The following DENND11 variants were observed in gnomAD, a reference collection of about 807,000 sequenced individuals.
DENND11 encodes the protein DENN domain-containing protein 11.
DENND11 carries 34 observed loss-of-function variants against 49.2 expected under a neutral mutation model. The ratio of observed to expected loss-of-function variants is 0.69; its 90% CI spans 0.53 to 0.92. The LOEUF (loss-of-function observed/expected upper bound fraction) is 0.92, where lower values mean the gene tolerates loss of function less well. DENND11 is among the 40% of genes least tolerant of loss of function. The pLI, the probability that DENND11 is intolerant of heterozygous loss-of-function variation, is 0.00. For missense variants in DENND11, 475 were observed against 581.6 expected, an observed-to-expected ratio of 0.82 and a Z score of 1.88; for synonymous variants, 238 against 230.3, an observed-to-expected ratio of 1.03 and a Z score of -0.30.
intron 8 of DENND11, 70 bp from the exon 9 acceptor site, chr7:141,662,921 A>C: frequency 1.7e-6 from 2 of 1,145,570 alleles, no homozygotes; most frequent in Non-Finnish European, 2.4e-6. Context: ...TAATCCACAT[A>C]TGGGGAACCA....
Position 141,700,662 on chromosome 7 carries a change from A to G in DENND11, c.268+1224T>C, listed in dbSNP as rs143195157. 1.1e-4 allele frequency among the ~76,000 whole-genome samples: 17 copies of G among 152,102 alleles called. No homozygotes were observed. The East Asian group carries it at 2.5e-3, about 23-fold the overall frequency. ...AGTTTGAAAGCCATGGAATGTGGCA[A>G]AGAAACAAGCAGAAGTCACAAAGGC... On this transcript the variant is annotated intron_variant, in intron 1 of 8. Transcript: ENST00000536163.
rs1797766926 is a variant in DENND11, at chr7:141,660,137, A to G, written c.*2519T>C. Reference sequence around the variant, plus strand: ...AAGACATACTCTGAGGATGCTCAACAGTGGCAAAGGTAACTGAAGAGATAA... The same window carrying G: ...AAGACATACTCTGAGGATGCTCAACGGTGGCAAAGGTAACTGAAGAGATAA... On this transcript the variant is annotated 3_prime_UTR_variant, in exon 9 of 9. Transcript: ENST00000536163. 1 of 152,340 alleles carries G rather than the reference A, an allele frequency of 6.6e-6. No individual in the cohort carries two copies. The highest frequency in any genetic ancestry group is 1.5e-5 in the Non-Finnish European group (1 of 68,044). The allele number at this position is 152,340 out of a possible 1,614,324, so 9.4% of individuals were successfully genotyped here.
intron 3 of DENND11, among the ~76,000 whole-genome samples, chr7:141,680,090 G>A (rs188780079): frequency 1.1e-4 from 16 of 152,244 alleles, no homozygotes; most frequent in South Asian, 2.1e-4. Context: ...TACCCCTCAC[G>A]TGTGAAATGC....
chr7:141,695,495 A>G (rs62486727), intron 1 of DENND11, among the ~76,000 whole-genome samples: 6,617 of 152,334 alleles, frequency 0.043, 208 homozygotes, highest in Non-Finnish European at 0.066. Context: ...ACCAGCTTAC[A>G]TATGGAATTT....
At chr7:141,671,686 A>C (rs1797982663) in intron 4 of DENND11, among the ~76,000 whole-genome samples, 2 of 152,192 alleles carry the variant, frequency 1.3e-5, no homozygotes, top group Non-Finnish European at 2.9e-5. Flanking sequence ...ATACGAGTAC[A>C]TTTAGGTCAG....
chr7:141,657,039 C>T lies in DENND11; in HGVS notation c.*5617G>A, dbSNP rs1366930922. ...CATACTATGAGGTAAAGACCCGAAA[C>T]AAAAATAGATTCAGTCTCTCGTATT... On this transcript the variant is annotated 3_prime_UTR_variant, in exon 9 of 9. Transcript: ENST00000536163. 6.6e-6 allele frequency: 1 copy of T among 152,544 alleles called. No individual in the cohort carries two copies. The highest frequency in any genetic ancestry group is 2.4e-5 in the African/African-American group (1 of 41,390). The allele number at this position is 152,544 out of a possible 1,614,324, so 9.4% of individuals were successfully genotyped here. A position where few individuals can be genotyped will look rare whatever the true frequency, so the allele number is the denominator to read the frequency against.
In DENND11 at chr7:141,678,988, C is replaced by T. The variant is rs537982722; in HGVS notation, c.528-4768G>A. Among the ~76,000 whole-genome samples, 257 of 152,298 alleles carry T rather than the reference C, an allele frequency of 1.7e-3. 1 individual carries two copies. The highest frequency in any genetic ancestry group is 3.2e-3 in the Non-Finnish European group (216 of 68,018). ...ATTAAAAAGACTCTTTAGAGAGATACTGAGGGCAAAAATTGTAGATGAAAT... is the reference window on the plus strand; with the variant it reads ...ATTAAAAAGACTCTTTAGAGAGATATTGAGGGCAAAAATTGTAGATGAAAT... On this transcript the variant is annotated intron_variant, in intron 3 of 8. Coordinates refer to ENST00000536163, the MANE Select transcript of DENND11 (RefSeq NM_001080392.2).
rs574084414 is a variant in DENND11, at chr7:141,686,668, A to G, written c.269-10T>C. 1.9e-6 allele frequency: 3 copies of G among 1,591,150 alleles called. No homozygotes were observed. In the African/African-American group the frequency reaches 4.0e-5, roughly 21 times the overall value. ...CATTCTACCATGTTTCCTGCAGGAA[A>G]AGGAAGATGCAAGTTAAAAGAAACA... On this transcript the variant is annotated splice_polypyrimidine_tract_variant and intron_variant, in intron 1 of 8. Coordinates refer to ENST00000536163, the MANE Select transcript of DENND11 (RefSeq NM_001080392.2).
chr7:141,685,641 A>G lies in DENND11; in HGVS notation c.369-5T>C. Reference sequence around the variant, plus strand: ...AAGGGCCCCTTTCGGAAATAGCTAGAAGAGACCAAATACGTAGTGTGGCTC... The same window carrying G: ...AAGGGCCCCTTTCGGAAATAGCTAGGAGAGACCAAATACGTAGTGTGGCTC... On this transcript the variant is annotated splice_polypyrimidine_tract_variant and splice_region_variant and intron_variant, in intron 2 of 8. Transcript: ENST00000536163. 6.2e-7 allele frequency: 1 copy of G among 1,613,862 alleles called. No individual in the cohort carries two copies. The highest frequency in any genetic ancestry group is 8.5e-7 in the Non-Finnish European group (1 of 1,179,854).
At chr7:141,698,694 C>A (rs1290254711) in intron 1 of DENND11, among the ~76,000 whole-genome samples, 1 of 152,162 alleles carries the variant, frequency 6.6e-6, no homozygotes, top group Non-Finnish European at 1.5e-5. Context: ...TATTTCCACA[C>A]CTTAGAGAAT....
At position 141,673,668 on chromosome 7, in the gene DENND11, G is replaced by A. The variant is rs114600276; in HGVS notation, c.681+399C>T. ...TAAATAGGCATATTCTAGTACCAAA[G>A]CCAAAGTACTTCAGGAACAAATACA... On this transcript the variant is annotated intron_variant, in intron 4 of 8. Transcript: ENST00000536163. Among the ~76,000 whole-genome samples the A allele has an allele frequency of 2.8e-3, 420 of 152,326 alleles. 1 individual carries two copies. The highest frequency in any genetic ancestry group is 9.9e-3 in the African/African-American group (413 of 41,590).
rs1364148219 is a variant in DENND11, at chr7:141,669,251, T to TA, written c.682-2827_682-2826insT. Among the ~76,000 whole-genome samples, 4 of 151,530 alleles carry TA rather than the reference T, an allele frequency of 2.6e-5. No homozygotes were observed. The East Asian group carries it at 7.8e-4, about 29-fold the overall frequency. Reference sequence around the variant, plus strand: ...AAAGCTTACTTCTTTAAAGTTTTTTTTTTTTTTTTTTTGAGAGGGAGTCTT... The same window carrying TA: ...AAAGCTTACTTCTTTAAAGTTTTTTTATTTTTTTTTTTTGAGAGGGAGTCTT... On this transcript the variant is annotated intron_variant, in intron 4 of 8. Transcript: ENST00000536163.
intron 3 of DENND11, among the ~76,000 whole-genome samples, chr7:141,682,142 A>G (rs1446891057): frequency 1.3e-5 from 2 of 152,214 alleles, no homozygotes; most frequent in East Asian, 3.8e-4. Flanking sequence ...CAGGGTAAGA[A>G]GAACCATGCC....
Position 141,670,045 on chromosome 7 carries a change from C to G in DENND11, c.682-3620G>C, listed in dbSNP as rs186636793. On this transcript the variant is annotated intron_variant, in intron 4 of 8. Transcript: ENST00000536163. ...CAGGATGGTCTCGATCTCCTGACCT[C>G]GTGATCCGCCCGCCTCGGCCTCCCA... is the stretch of plus-strand genomic sequence containing the variant. 7.3e-3 allele frequency among the ~76,000 whole-genome samples: 1,096 copies of G among 150,618 alleles called. 42 individuals carry two copies. Among genetic ancestry groups the G allele is most frequent in the Admixed American group, 0.056 (850 of 15,184 alleles).
intron 1 of DENND11, among the ~76,000 whole-genome samples, chr7:141,699,556 C>CA (rs900829924): frequency 3.2e-4 from 49 of 151,852 alleles, no homozygotes; most frequent in East Asian, 2.3e-3. Flanking sequence ...CAAAAAAACA[C>CA]AAAAAAAACA....
chr7:141,680,467 T>A (rs1175110682), intron 3 of DENND11, among the ~76,000 whole-genome samples: 3 of 151,992 alleles, frequency 2.0e-5, no homozygotes, highest in Admixed American at 1.3e-4. Context: ...TTTATGTGAG[T>A]GGTAGTCTGC....
chr7:141,666,390 T>TATA lies in DENND11; in HGVS notation c.714_716dup (p.Ile239dup). ...TGAGGATCTGTTCTCCAAAGAACTTTATAAACTGAGACATGCAGCCAGCTG... is the reference window on the plus strand; with the variant it reads ...TGAGGATCTGTTCTCCAAAGAACTTTATAATAAACTGAGACATGCAGCCAGCTG... On this transcript the variant is annotated inframe_insertion, in exon 5 of 9. Transcript: ENST00000536163. 6.2e-7 allele frequency: 1 copy of TATA among 1,610,450 alleles called. No homozygotes were observed. Among genetic ancestry groups the TATA allele is most frequent in the Non-Finnish European group, 8.5e-7 (1 of 1,177,180 alleles).
At chr7:141,696,127 C>T (rs1163577941) in intron 1 of DENND11, among the ~76,000 whole-genome samples, 1 of 152,228 alleles carries the variant, frequency 6.6e-6, no homozygotes, top group Non-Finnish European at 1.5e-5. Context: ...TACAGATGGT[C>T]TGAACCCTGC....
intron 3 of DENND11, among the ~76,000 whole-genome samples, chr7:141,683,744 T>A (rs1798185993): frequency 6.6e-6 from 1 of 152,072 alleles, no homozygotes; most frequent in Admixed American, 6.6e-5. Context: ...TGGAGAAACT[T>A]CTCCAAAACG....
Sources: allele counts gnomAD v4.1 joint callset (sites outside exome capture counted in the v4.1 genomes callset), GRCh38; gene constraint gnomAD v4.1.1; transcripts MANE v1.5; gene names NCBI Gene and HGNC (gene_info 2026-07-23, HGNC 2026-07-21).